The following CLTC variants were observed in gnomAD, a reference collection of about 807,000 sequenced individuals.
CLTC encodes clathrin heavy chain 1.
Under a neutral mutation model 195.8 loss-of-function variants are expected in CLTC, and 16 were observed. The ratio of observed to expected loss-of-function variants is 0.08; its 90% CI spans 0.06 to 0.12. The LOEUF is 0.12. CLTC is among the 10% of genes least tolerant of loss of function. The pLI is 1.00. For missense variants in CLTC, 796 were observed against 2,027.0 expected, an observed-to-expected ratio of 0.39 and a Z score of 11.66; for synonymous variants, 667 against 689.4, an observed-to-expected ratio of 0.97 and a Z score of 0.51.
chr17:59,656,231 AAAT>A, intron 6 of CLTC: 1 of 452,926 alleles, frequency 2.2e-6, no homozygotes, highest in Admixed American at 4.3e-5. Context: ...ATAAAAAAGA[AAAT>A]AATATATACC....
chr17:59,628,253 A>T (rs1037975124), intron 1 of CLTC, among the ~76,000 whole-genome samples: 3 of 152,216 alleles, frequency 2.0e-5, no homozygotes, highest in Non-Finnish European at 4.4e-5. Context: ...TCAGATGTTT[A>T]ATCTGGGCTT....
chr17:59,692,130 A>G (rs2033316731), intron 31 of CLTC, among the ~76,000 whole-genome samples: 1 of 152,186 alleles, frequency 6.6e-6, no homozygotes, highest in African/African-American at 2.4e-5. Flanking sequence ...CATCCTGGCC[A>G]ACATGGTGAA....
intron 18 of CLTC, among the ~76,000 whole-genome samples, chr17:59,680,576 A>C (rs986543984): frequency 1.3e-5 from 2 of 152,170 alleles, no homozygotes; most frequent in Non-Finnish European, 2.9e-5. Flanking sequence ...AAACCAAGCA[A>C]ATAGCCAAAA....
At chr17:59,626,056 G>A (rs1190253608) in intron 1 of CLTC, among the ~76,000 whole-genome samples, 2 of 152,188 alleles carry the variant, frequency 1.3e-5, no homozygotes, top group African/African-American at 4.8e-5. Flanking sequence ...CAGATCCAGT[G>A]TTTTATGGTG....
chr17:59,632,423 T>TC (rs2031750861), intron 1 of CLTC, among the ~76,000 whole-genome samples: 1 of 151,696 alleles, frequency 6.6e-6, no homozygotes, highest in Non-Finnish European at 1.5e-5. Flanking sequence ...GAAGCTCTTT[T>TC]CAATGAAAGA....
intron 31 of CLTC, among the ~76,000 whole-genome samples, chr17:59,692,956 A>T (rs2033342415): frequency 6.6e-6 from 1 of 152,110 alleles, no homozygotes. Context: ...TCTTATTTTT[A>T]ATTTAACTGC....
chr17:59,631,769 G>A (rs1259087858), intron 1 of CLTC, among the ~76,000 whole-genome samples: 2 of 151,956 alleles, frequency 1.3e-5, no homozygotes, highest in Non-Finnish European at 2.9e-5. Flanking sequence ...CCAGGCATTC[G>A]AGACTAGCCT....
Position 59,685,480 on chromosome 17 carries a change from C to A in CLTC, c.4606-107C>A. On this transcript the variant is annotated intron_variant, in intron 29 of 31. Coordinates refer to ENST00000269122, the MANE Select transcript of CLTC (RefSeq NM_004859.4). The surrounding 1 kb of genome is among the most constrained non-coding windows in gnomAD (Gnocchi z 5.0). ...ATGATACAACTAGGAGGCTTTTTTC[C>A]CCTTGCAAAACCAGATTTATATTGG... 9.5e-7 allele frequency: 1 copy of A among 1,055,154 alleles called. No individual in the cohort carries two copies. Among genetic ancestry groups the A allele is most frequent in the Non-Finnish European group, 1.4e-6 (1 of 736,492 alleles). The allele number at this position is 1,055,154 out of a possible 1,614,324, so 65.4% of individuals were successfully genotyped here. A position where few individuals can be genotyped will look rare whatever the true frequency, so the allele number is the denominator to read the frequency against.
intron 1 of CLTC, among the ~76,000 whole-genome samples, chr17:59,643,653 T>C (rs981746064): frequency 2.6e-5 from 4 of 152,218 alleles, no homozygotes; most frequent in South Asian, 4.1e-4. Context: ...AACCACACTT[T>C]TACGTCTCTG....
chr17:59,692,150 C>G (rs549209130), intron 31 of CLTC, among the ~76,000 whole-genome samples: 7 of 152,278 alleles, frequency 4.6e-5, no homozygotes, highest in East Asian at 1.9e-4. Flanking sequence ...AACCCCATCT[C>G]TACTAAAAGT....
intron 6 of CLTC, chr17:59,658,513 C>CCT (rs1482643307): frequency 4.6e-5 from 7 of 152,140 alleles, no homozygotes; most frequent in African/African-American, 1.7e-4. Context: ...TTTACAGTAA[C>CCT]CTTAGGGCTT....
At chr17:59,621,265 T>C (rs2031369446) in intron 1 of CLTC, among the ~76,000 whole-genome samples, 1 of 152,242 alleles carries the variant, frequency 6.6e-6, no homozygotes, top group African/African-American at 2.4e-5. Context: ...ATCCTGTTTT[T>C]TACTGTAGCT....
chr17:59,639,880 C>T lies in CLTC; in HGVS notation c.43-4396C>T, dbSNP rs554023239. On this transcript the variant is annotated intron_variant, in intron 1 of 31. Transcript: ENST00000269122. Reference sequence around the variant, plus strand: ...TGAGGAGGCTGAGGTAGGAAGATCACTTGAGCCTGGGAGGTCGAGGCTGCA... The same window carrying T: ...TGAGGAGGCTGAGGTAGGAAGATCATTTGAGCCTGGGAGGTCGAGGCTGCA... 2.0e-5 allele frequency among the ~76,000 whole-genome samples: 3 copies of T among 151,692 alleles called. No individual in the cohort carries two copies. In the South Asian group the frequency reaches 6.3e-4, roughly 32 times the overall value.
intron 1 of CLTC, among the ~76,000 whole-genome samples, chr17:59,629,123 G>A (rs2031635804): frequency 1.3e-5 from 2 of 152,108 alleles, no homozygotes; most frequent in African/African-American, 4.8e-5. Context: ...ATAATAAGGG[G>A]GAAAAACGTG....
In CLTC at chr17:59,682,354, G is replaced by A. The variant is rs1198056892; in HGVS notation, c.3526G>A (p.Ala1176Thr). Reference sequence around the variant, plus strand: ...CTATGTGGAGACAGAACTGATATTCGCACTGGCTAAAACAAACCGCCTTGC... The same window carrying A: ...CTATGTGGAGACAGAACTGATATTCACACTGGCTAAAACAAACCGCCTTGC... ...ESYVETELIF[A>T]LAKTNRLAEL... Residue 1176 changes from alanine (A) to threonine (T), a missense_variant, in exon 22 of 32, where the codon GCA becomes ACA. Ala to Thr is a moderately conservative substitution (Grantham distance 58, BLOSUM62 0). This residue lies in a region of CLTC where 50 missense variants were observed against 77.2 expected (regional missense o/e 0.65). Transcript: ENST00000269122. This position sits in a 1 kb window ranked among gnomAD's most constrained non-coding sequence, Gnocchi z 6.8. 1.2e-6 allele frequency: 2 copies of A among 1,614,064 alleles called. No individual in the cohort carries two copies. Among genetic ancestry groups the A allele is most frequent in the Admixed American group, 1.7e-5 (1 of 60,020 alleles).
intron 31 of CLTC, 120 bp downstream of exon 31, chr17:59,690,831 GCT>G: frequency 1.6e-6 from 1 of 629,208 alleles, no homozygotes; most frequent in South Asian, 2.3e-5. Context: ...AAGAAATACT[GCT>G]CTCTACTGTC....
chr17:59,664,550 C>CAAAAAAAAA (rs57413220), intron 9 of CLTC: 5 of 224,536 alleles, frequency 2.2e-5, no homozygotes, highest in South Asian at 5.8e-5. Context: ...GACCCTGTCT[C>CAAAAAAAAA]AAAAAAAAAA....
chr17:59,642,548 A>C (rs1486480523), intron 1 of CLTC, among the ~76,000 whole-genome samples: 1 of 152,230 alleles, frequency 6.6e-6, no homozygotes, highest in African/African-American at 2.4e-5. Flanking sequence ...TAAGGAGTCT[A>C]AGGACCCTCT....
rs1409711775 is a variant in CLTC, at chr17:59,661,488, C to G, written c.1213C>G (p.Pro405Ala). The change falls in exon 8 of 32, where the codon CCA becomes GCA. Residue 405 changes from proline (P) to alanine (A), a missense_variant. Physicochemically the swap from Pro to Ala is conservative, Grantham distance 27 (BLOSUM62 -1). Coordinates refer to ENST00000269122, the MANE Select transcript of CLTC (RefSeq NM_004859.4). ...PDTIRRFQSV[P>A]AQPGQTSPLL... Reference sequence around the variant, plus strand: ...CACTATCCGTCGGTTCCAGAGTGTCCCAGCCCAGCCAGGTCAAACTTCTCC... The same window carrying G: ...CACTATCCGTCGGTTCCAGAGTGTCGCAGCCCAGCCAGGTCAAACTTCTCC... 7 of 1,613,888 alleles carry G rather than the reference C, an allele frequency of 4.3e-6. No individual in the cohort carries two copies. The highest frequency in any genetic ancestry group is 1.6e-4 in the Middle Eastern group (1 of 6,084).
Sources: allele counts gnomAD v4.1 joint callset (sites outside exome capture counted in the v4.1 genomes callset), GRCh38; gene constraint gnomAD v4.1.1; regional missense constraint gnomAD v4.1.1; non-coding constraint Gnocchi (gnomAD v3.1); transcripts MANE v1.5; gene names NCBI Gene and HGNC (gene_info 2026-07-23, HGNC 2026-07-21).